ATG7: variants seen among roughly 807,000 people sequenced by gnomAD.
ATG7 encodes the protein autophagy related 7.
In ATG7, 70 loss-of-function variants were observed where a neutral mutation model predicts 82.4. That is an observed-to-expected ratio of 0.85 (90% confidence interval 0.70 to 1.04). ATG7 has a LOEUF of 1.04. Among genes scored for constraint, ATG7 ranks in the 50% least tolerant of loss-of-function variants. The pLI is 0.00. For missense variants in ATG7, 792 were observed against 864.3 expected, an observed-to-expected ratio of 0.92 and a Z score of 1.05; for synonymous variants, 287 against 313.0, an observed-to-expected ratio of 0.92 and a Z score of 0.88.
intron 20 of ATG7, among the ~76,000 whole-genome samples, chr3:11,554,588 C>T (rs1341882246): frequency 6.6e-6 from 1 of 152,200 alleles, no homozygotes; most frequent in Non-Finnish European, 1.5e-5. Context: ...GTGCAAATCC[C>T]AGCCCTCCCC....
intron 1 of ATG7, among the ~76,000 whole-genome samples, chr3:11,277,894 C>CT (rs1942190303): frequency 1.7e-5 from 2 of 119,046 alleles, no homozygotes; most frequent in Non-Finnish European, 1.7e-5. Flanking sequence ...TTTATAGACC[C>CT]CCCCCCCCCC....
At chr3:11,299,549 A>C in intron 5 of ATG7, 133 bp downstream of exon 5, 1 of 852,134 alleles carries the variant, frequency 1.2e-6, no homozygotes, top group Non-Finnish European at 1.9e-6. Context: ...AGCCCCCCTC[A>C]TGATTCTCTT....
chr3:11,487,437 G>A (rs77167301), intron 20 of ATG7, among the ~76,000 whole-genome samples: 23 of 64,960 alleles, frequency 3.5e-4, no homozygotes, highest in African/African-American at 1.3e-3. Flanking sequence ...CTCACCTCCC[G>A]GACGGGGCGG....
intron 13 of ATG7, among the ~76,000 whole-genome samples, chr3:11,343,762 C>G (rs1469975975): frequency 1.3e-5 from 2 of 152,114 alleles, no homozygotes; most frequent in Admixed American, 6.5e-5. Context: ...ATTTTTCTGT[C>G]TTTATCAAAT....
intron 20 of ATG7, among the ~76,000 whole-genome samples, chr3:11,437,969 G>A (rs2083513942): frequency 6.6e-6 from 1 of 152,088 alleles, no homozygotes. Flanking sequence ...TTAAACTATT[G>A]TTTGCTTTTT....
At chr3:11,327,682 A>G (rs943981297) in intron 9 of ATG7, among the ~76,000 whole-genome samples, 1 of 152,212 alleles carries the variant, frequency 6.6e-6, no homozygotes, top group Non-Finnish European at 1.5e-5. Flanking sequence ...ATTAAACCAG[A>G]ACCTCTGGAG....
intron 15 of ATG7, among the ~76,000 whole-genome samples, chr3:11,359,560 G>T (rs1044998409): frequency 1.3e-5 from 2 of 151,952 alleles, no homozygotes; most frequent in Non-Finnish European, 2.9e-5. Context: ...GCTAGGTGTG[G>T]TGATGCACAC....
At chr3:11,426,201 G>A (rs1368716169) in intron 19 of ATG7, among the ~76,000 whole-genome samples, 1 of 152,062 alleles carries the variant, frequency 6.6e-6, no homozygotes, top group African/African-American at 2.4e-5. Context: ...CCAGCACTTG[G>A]TATTTTCTTT....
chr3:11,296,632 A>G (rs931761750), intron 3 of ATG7, among the ~76,000 whole-genome samples: 3 of 152,166 alleles, frequency 2.0e-5, no homozygotes, highest in African/African-American at 2.4e-5. Context: ...GCTTCTCCAT[A>G]GGTGTTCACC....
chr3:11,552,679 AAAT>A (rs2071921849), intron 20 of ATG7, among the ~76,000 whole-genome samples: 2 of 152,318 alleles, frequency 1.3e-5, no homozygotes, highest in East Asian at 1.9e-4. Context: ...GCATTTTACA[AAAT>A]AATAATCCCC....
chr3:11,549,772 A>C (rs949643599), intron 20 of ATG7, among the ~76,000 whole-genome samples: 1 of 152,212 alleles, frequency 6.6e-6, no homozygotes, highest in Non-Finnish European at 1.5e-5. Flanking sequence ...TGGCTGGATC[A>C]CATGGTGAGC....
chr3:11,558,589 G>T (rs1173998739), downstream of ATG7: 2 of 1,604,528 alleles, frequency 1.2e-6, no homozygotes, highest in Non-Finnish European at 1.7e-6. Context: ...GACTGTGGCT[G>T]ACCATGTGGG....
chr3:11,385,574 C>T (rs2078260945), intron 19 of ATG7, among the ~76,000 whole-genome samples: 1 of 152,176 alleles, frequency 6.6e-6, no homozygotes, highest in African/African-American at 2.4e-5. Flanking sequence ...GACTCATAAG[C>T]CAATAATGAT....
intron 14 of ATG7, among the ~76,000 whole-genome samples, chr3:11,355,044 A>G (rs767893141): frequency 5.9e-5 from 9 of 152,230 alleles, no homozygotes; most frequent in South Asian, 2.1e-4. Context: ...AGGACGTAGT[A>G]CCAGAAATGA....
At position 11,371,075 on chromosome 3, in the gene ATG7, C is replaced by G. The variant is rs548175076; in HGVS notation, c.1875+6341C>G. ...ATGGTAGTGAGGCCAAAATGAGATG[C>G]AATGTATGAAAACACCCAGGAGCCC... On this transcript the variant is annotated intron_variant, in intron 18 of 20. Coordinates refer to ENST00000693202, the MANE Select transcript of ATG7 (RefSeq NM_001349232.2). Among the ~76,000 whole-genome samples, 47 of 151,118 alleles carry G rather than the reference C, an allele frequency of 3.1e-4. 2 individuals are homozygous for G. Among genetic ancestry groups the G allele is most frequent in the African/African-American group, 1.1e-3 (45 of 41,002 alleles).
chr3:11,540,570 G>C (rs1204162186), intron 20 of ATG7, among the ~76,000 whole-genome samples: 1 of 152,114 alleles, frequency 6.6e-6, no homozygotes, highest in Non-Finnish European at 1.5e-5. Flanking sequence ...GAGACCAAGA[G>C]GTGAAGGCTG....
intron 19 of ATG7, among the ~76,000 whole-genome samples, chr3:11,404,125 ATTTTTTTTTT>A (rs10591303): frequency 2.6e-5 from 2 of 76,938 alleles, no homozygotes; most frequent in East Asian, 3.9e-4. Context: ...AACCAGCTCA[ATTTTTTTTTT>A]TTTTTTTTTT....
chr3:11,491,575 G>C (rs2153048031), intron 20 of ATG7, among the ~76,000 whole-genome samples: 1 of 152,236 alleles, frequency 6.6e-6, no homozygotes, highest in Middle Eastern at 3.4e-3. Flanking sequence ...CAGTTTTTCT[G>C]CTCTGTTTTT....
chr3:11,394,958 A>G (rs2079092176), intron 19 of ATG7, among the ~76,000 whole-genome samples: 1 of 152,218 alleles, frequency 6.6e-6, no homozygotes, highest in African/African-American at 2.4e-5. Flanking sequence ...ATACAGACAT[A>G]CAGAGATTCT....
Sources: allele counts gnomAD v4.1 joint callset (sites outside exome capture counted in the v4.1 genomes callset), GRCh38; gene constraint gnomAD v4.1.1; transcripts MANE v1.5; gene names NCBI Gene and HGNC (gene_info 2026-07-23, HGNC 2026-07-21).